GLIS3: variants seen among roughly 807,000 people sequenced by gnomAD.
GLIS3 encodes GLIS family zinc finger 3, also known as zinc finger protein GLIS3.
GLIS3 carries 53 observed loss-of-function variants against 78.6 expected under a neutral mutation model. That is an observed-to-expected ratio of 0.67 (90% CI 0.54 to 0.85). GLIS3 has a LOEUF of 0.85. Ranked by LOEUF, GLIS3 falls within the 40% of genes least tolerant of loss-of-function variation. The probability of loss-of-function intolerance (pLI) is 0.00; values close to 1 mark genes in which losing one functional copy is unlikely to be tolerated. For synonymous variants in GLIS3, 684 were observed against 509.9 expected, an observed-to-expected ratio of 1.34 and a Z score of -4.60; for missense variants, 1,703 against 1,231.1, an observed-to-expected ratio of 1.38 and a Z score of -5.74.
chr9:4,141,306 T>C (rs1833795578), intron 2 of GLIS3, among the ~76,000 whole-genome samples: 1 of 152,094 alleles, frequency 6.6e-6, no homozygotes, highest in Non-Finnish European at 1.5e-5. Context: ...AGGAAGGCAG[T>C]GGGGGTAAAA....
chr9:4,394,153 A>G, the GLIS3 span, among the ~76,000 whole-genome samples: 1 of 150,256 alleles, frequency 6.7e-6, no homozygotes. Context: ...CTTGATTGCT[A>G]ACCGTGAGGA....
intron 2 of GLIS3, among the ~76,000 whole-genome samples, chr9:4,279,489 G>C (rs903190789): frequency 3.3e-5 from 5 of 149,870 alleles, no homozygotes; most frequent in African/African-American, 1.2e-4. Flanking sequence ...AAACTAATTG[G>C]GATTAAAAAA....
At chr9:3,861,856 T>C (rs1820234048) in intron 8 of GLIS3, among the ~76,000 whole-genome samples, 1 of 152,120 alleles carries the variant, frequency 6.6e-6, no homozygotes. Flanking sequence ...AGGTGATGGG[T>C]TGATAGGCAC....
chr9:3,879,694 T>A (rs1424195532), intron 7 of GLIS3, 99 bp from the exon 8 acceptor site: 5 of 1,258,072 alleles, frequency 4.0e-6, no homozygotes, highest in Non-Finnish European at 5.6e-6. Context: ...AGGGGCTTGC[T>A]TGTTTTTCTC....
intron 1 of GLIS3, among the ~76,000 whole-genome samples, chr9:4,289,289 G>C (rs1409002156): frequency 6.6e-6 from 1 of 152,014 alleles, no homozygotes; most frequent in Non-Finnish European, 1.5e-5. Flanking sequence ...AGACTATCAA[G>C]AACACCCATT....
intron 9 of GLIS3, among the ~76,000 whole-genome samples, chr9:3,851,227 G>A (rs965094007): frequency 1.3e-5 from 2 of 152,100 alleles, no homozygotes; most frequent in Non-Finnish European, 2.9e-5. Flanking sequence ...ATCAACTCTT[G>A]GGCAACTAAT....
At chr9:4,195,883 T>C (rs1248299431) in intron 2 of GLIS3, among the ~76,000 whole-genome samples, 1 of 152,228 alleles carries the variant, frequency 6.6e-6, no homozygotes, top group South Asian at 2.1e-4. Context: ...GGAGAACTTT[T>C]ATGTCTAGCT....
At chr9:4,179,638 G>C (rs970383143) in intron 2 of GLIS3, among the ~76,000 whole-genome samples, 1 of 152,134 alleles carries the variant, frequency 6.6e-6, no homozygotes, top group African/African-American at 2.4e-5. Context: ...GGCCAGGCAC[G>C]GTGGCTCACG....
intron 2 of GLIS3, among the ~76,000 whole-genome samples, chr9:4,148,733 A>T (rs1834428427): frequency 6.6e-6 from 1 of 152,110 alleles, no homozygotes; most frequent in Admixed American, 6.5e-5. Flanking sequence ...GTAGGTGGAG[A>T]GAGGGCTACA....
chr9:4,376,448 G>C, the GLIS3 span, among the ~76,000 whole-genome samples: 1 of 137,328 alleles, frequency 7.3e-6, no homozygotes, highest in Non-Finnish European at 1.7e-5. Context: ...AAGAGCAACA[G>C]AAGAAACCAC....
chr9:4,119,808 T>C (rs1235524663), intron 3 of GLIS3, among the ~76,000 whole-genome samples: 1 of 152,256 alleles, frequency 6.6e-6, no homozygotes, highest in Non-Finnish European at 1.5e-5. Flanking sequence ...ATAATGTAGC[T>C]CTGGTCACTT....
At chr9:3,968,451 G>A (rs1484006314) in intron 4 of GLIS3, among the ~76,000 whole-genome samples, 1 of 152,096 alleles carries the variant, frequency 6.6e-6, no homozygotes, top group African/African-American at 2.4e-5. Flanking sequence ...ATGAAATGCT[G>A]ACTATATGCA....
intron 2 of GLIS3, among the ~76,000 whole-genome samples, chr9:4,260,566 CAAA>C (rs372293678): frequency 9.4e-5 from 11 of 116,960 alleles, no homozygotes; most frequent in Admixed American, 1.8e-4. Context: ...GACTCTGTCT[CAAA>C]AAAAAAAAAA....
At chr9:4,218,352 C>T (rs142473735) in intron 2 of GLIS3, among the ~76,000 whole-genome samples, 2,880 of 152,144 alleles carry the variant, frequency 0.019, 97 homozygotes, top group African/African-American at 0.061. Flanking sequence ...GATCTCGGCT[C>T]ACTGCAAGCT....
At chr9:3,966,436 C>CTTTTTTTT (rs892102282) in intron 4 of GLIS3, among the ~76,000 whole-genome samples, 1 of 148,954 alleles carries the variant, frequency 6.7e-6, no homozygotes, top group African/African-American at 2.5e-5. Flanking sequence ...GATGCAAAGC[C>CTTTTTTTT]TTTTTTTTTT....
intron 2 of GLIS3, among the ~76,000 whole-genome samples, chr9:4,167,973 C>A (rs77766767): frequency 0.018 from 2,717 of 152,238 alleles, 53 homozygotes; most frequent in African/African-American, 0.046. Context: ...GGGCCAGCTG[C>A]AAGGAGGCAA....
intron 2 of GLIS3, among the ~76,000 whole-genome samples, chr9:4,253,723 C>A (rs538760033): frequency 1.3e-5 from 2 of 152,192 alleles, no homozygotes; most frequent in Non-Finnish European, 2.9e-5. Context: ...TTGAAACCCA[C>A]GGCCCTGGTG....
chr9:4,160,711 A>C (rs748131971), intron 2 of GLIS3, among the ~76,000 whole-genome samples: 1 of 152,254 alleles, frequency 6.6e-6, no homozygotes, highest in African/African-American at 2.4e-5. Flanking sequence ...GATTACAAAT[A>C]ATAATGTAAT....
chr9:4,100,377 A>G (rs116572324), intron 4 of GLIS3, among the ~76,000 whole-genome samples: 426 of 152,334 alleles, frequency 2.8e-3, no homozygotes, highest in African/African-American at 9.7e-3. Context: ...GAGTATTTGT[A>G]TGTTTTAAAT....
Sources: allele counts gnomAD v4.1 joint callset (sites outside exome capture counted in the v4.1 genomes callset), GRCh38; gene constraint gnomAD v4.1.1; transcripts MANE v1.5; gene names NCBI Gene and HGNC (gene_info 2026-07-23, HGNC 2026-07-21).